MDM2: variants seen among roughly 807,000 people sequenced by gnomAD.
MDM2 encodes E3 ubiquitin-protein ligase Mdm2.
In MDM2, 11 loss-of-function variants were observed where a neutral mutation model predicts 64.3. The observed-to-expected ratio is 0.17, with a 90% CI of 0.11 to 0.28. MDM2 has a LOEUF of 0.28. MDM2 is among the 10% of genes least tolerant of loss of function. MDM2 has a pLI of 1.00. For synonymous variants in MDM2, 194 were observed against 192.9 expected (o/e 1.01, Z -0.05); for missense variants, 388 against 577.1 (o/e 0.67, Z 3.36).
Position 68,844,786 on chromosome 12 carries a change from A to G in MDM2, c.*4937A>G, listed in dbSNP as rs974326849. The G allele has an allele frequency of 3.0e-5, 6 of 201,560 alleles. No individual in the cohort carries two copies. Among genetic ancestry groups the G allele is most frequent in the African/African-American group, 1.4e-4 (6 of 43,468 alleles). 12.5% of individuals were successfully genotyped at this position (201,560 alleles called of 1,614,324 possible). On this transcript the variant is annotated 3_prime_UTR_variant, in exon 11 of 11. Transcript: ENST00000258149. Reference sequence around the variant, plus strand: ...TTATTTTATTTTTATTTATTTTTTGAGACGGAGTCTTGCTCTGTGGCTCAG... The same window carrying G: ...TTATTTTATTTTTATTTATTTTTTGGGACGGAGTCTTGCTCTGTGGCTCAG...
intron 10 of MDM2, among the ~76,000 whole-genome samples, chr12:68,837,853 C>A (rs1009452091): frequency 1.0e-5 from 1 of 99,858 alleles, no homozygotes; most frequent in Non-Finnish European, 2.0e-5. Flanking sequence ...AAATAAATTC[C>A]ATTTTTTCTG....
chr12:68,841,380 C>T lies in MDM2; in HGVS notation c.*1531C>T, dbSNP rs1008506896. On this transcript the variant is annotated 3_prime_UTR_variant, in exon 11 of 11. Coordinates refer to ENST00000258149, the MANE Select transcript of MDM2 (RefSeq NM_002392.6). ...GCAAAGTGCTAAGTAGGATTACAGG[C>T]GTTAGCCACCACACCCGGCTGTAAA... 2.8e-4 allele frequency: 59 copies of T among 208,260 alleles called. No homozygotes were observed. The highest frequency in any genetic ancestry group is 1.3e-3 in the African/African-American group (57 of 44,020). The allele number at this position is 208,260 out of a possible 1,614,324, so 12.9% of individuals were successfully genotyped here. A position where few individuals can be genotyped will look rare whatever the true frequency, so the allele number is the denominator to read the frequency against.
chr12:68,816,731 A>G, intron 3 of MDM2, 81 bp from the exon 4 acceptor site: 1 of 1,224,820 alleles, frequency 8.2e-7, no homozygotes, highest in Non-Finnish European at 1.1e-6. Context: ...ACCCCTATTC[A>G]GATAAATAGG....
rs765425166 is a variant in MDM2, at chr12:68,841,488, T to C, written c.*1639T>C. 7 of 209,566 alleles carry C rather than the reference T, an allele frequency of 3.3e-5. No individual in the cohort carries two copies. Among genetic ancestry groups the C allele is most frequent in the Admixed American group, 5.9e-5 (1 of 16,968 alleles). 13.0% of individuals were successfully genotyped at this position (209,566 alleles called of 1,614,324 possible). The stretch of plus-strand genomic sequence containing the variant: ...ATGTTATCTGTGAAAATAGCCACCA[T>C]TTACCCGTAAGACAAAACTTGTTAA... On this transcript the variant is annotated 3_prime_UTR_variant, in exon 11 of 11. Coordinates refer to ENST00000258149, the MANE Select transcript of MDM2 (RefSeq NM_002392.6).
In MDM2 at chr12:68,823,336, A is replaced by T. The variant is rs578139052; in HGVS notation, c.359-1027A>T. ...TGACTTTTGAGCTCAAAGTCTGTAT[A>T]TCCAACTACAAATGAAACCTATGTG... On this transcript the variant is annotated intron_variant, in intron 5 of 10. Coordinates refer to ENST00000258149, the MANE Select transcript of MDM2 (RefSeq NM_002392.6). 3.3e-5 allele frequency among the ~76,000 whole-genome samples: 5 copies of T among 152,324 alleles called. No homozygotes were observed. The South Asian group carries it at 1.0e-3, about 32-fold the overall frequency.
Position 68,843,513 on chromosome 12 carries a change from T to C in MDM2, c.*3664T>C. On this transcript the variant is annotated 3_prime_UTR_variant, in exon 11 of 11. Transcript: ENST00000258149. ...CTCAAACTGTGGATTAACTTCTTGA[T>C]TTATATTTAAATATGAATCTTAAGC... The C allele has an allele frequency of 4.4e-6, 1 of 225,938 alleles. No homozygotes were observed. Among genetic ancestry groups the C allele is most frequent in the Non-Finnish European group, 8.8e-6 (1 of 113,858 alleles). 14.0% of individuals were successfully genotyped at this position (225,938 alleles called of 1,614,324 possible).
intron 2 of MDM2, among the ~76,000 whole-genome samples, chr12:68,811,675 G>T (rs1258390139): frequency 6.7e-6 from 1 of 149,012 alleles, no homozygotes; most frequent in Non-Finnish European, 1.5e-5. Context: ...CATGATCTCG[G>T]CTCACTGCAA....
rs548781303 is a variant in MDM2, at chr12:68,841,546, C to T, written c.*1697C>T. On this transcript the variant is annotated 3_prime_UTR_variant, in exon 11 of 11. Coordinates refer to ENST00000258149, the MANE Select transcript of MDM2 (RefSeq NM_002392.6). ...TGAGTCTAACCTAGATTACATCAGG[C>T]CCTTTTTCACACACAAAAAAATCCT... 2 of 210,008 alleles carry T rather than the reference C, an allele frequency of 9.5e-6. No homozygotes were observed. Among genetic ancestry groups the T allele is most frequent in the South Asian group, 3.7e-4 (2 of 5,356 alleles). 13.0% of individuals were successfully genotyped at this position (210,008 alleles called of 1,614,324 possible).
rs1883749064 is a variant in MDM2, at chr12:68,841,308, G to C, written c.*1459G>C. The C allele has an allele frequency of 1.9e-5, 4 of 205,508 alleles. No homozygotes were observed. In the East Asian group the frequency reaches 3.0e-4, roughly 15 times the overall value. The allele number at this position is 205,508 out of a possible 1,614,324, so 12.7% of individuals were successfully genotyped here. A position where few individuals can be genotyped will look rare whatever the true frequency, so the allele number is the denominator to read the frequency against. On this transcript the variant is annotated 3_prime_UTR_variant, in exon 11 of 11. Transcript: ENST00000258149. ...GACAGGGTCTCCCTGTGTTGCCCAG[G>C]CTGGTCTCGAACTCCTGGGCTCAAG... is the stretch of plus-strand genomic sequence containing the variant.
At position 68,845,232 on chromosome 12, in the gene MDM2, A is replaced by G. The variant is rs1407281070; in HGVS notation, c.*5383A>G. 1 of 216,874 alleles carries G rather than the reference A, an allele frequency of 4.6e-6. No homozygotes were observed. The highest frequency in any genetic ancestry group is 9.3e-6 in the Non-Finnish European group (1 of 107,996). The allele number at this position is 216,874 out of a possible 1,614,324, so 13.4% of individuals were successfully genotyped here. On this transcript the variant is annotated 3_prime_UTR_variant, in exon 11 of 11. Transcript: ENST00000258149. ...AAAAGAAAAAGTATTTCTTCAGCTT[A>G]AAAAATTGTTTAAAAGTTTGTGATC...
At chr12:68,831,485 G>A (rs976251318) in intron 8 of MDM2, among the ~76,000 whole-genome samples, 4 of 152,138 alleles carry the variant, frequency 2.6e-5, no homozygotes, top group African/African-American at 9.7e-5. Context: ...TTATGTGGGG[G>A]CGGCCATGCT....
rs1477521385 is a variant in MDM2, at chr12:68,842,312, G to A, written c.*2463G>A. On this transcript the variant is annotated 3_prime_UTR_variant, in exon 11 of 11. Coordinates refer to ENST00000258149, the MANE Select transcript of MDM2 (RefSeq NM_002392.6). ...GGCAAAACTCATCTTGACCCCTGTT[G>A]CAGGCAAAGGAACGCAGCTGGAAGA... 2 of 496,218 alleles carry A rather than the reference G, an allele frequency of 4.0e-6. No homozygotes were observed. The allele number at this position is 496,218 out of a possible 1,614,324, so 30.7% of individuals were successfully genotyped here. A position where few individuals can be genotyped will look rare whatever the true frequency, so the allele number is the denominator to read the frequency against.
rs914588256 is a variant in MDM2 at position 68,812,997 on chromosome 12, A to G, written c.100-557A>G. 3.3e-5 allele frequency among the ~76,000 whole-genome samples: 5 copies of G among 152,284 alleles called. No homozygotes were observed. In the South Asian group the frequency reaches 6.2e-4, roughly 19 times the overall value. On this transcript the variant is annotated intron_variant, in intron 2 of 10. Coordinates refer to ENST00000258149, the MANE Select transcript of MDM2 (RefSeq NM_002392.6). ...CTGTCCAGTGCATAGTAGAAGCTCA[A>G]TAAATGTTTGTCAAGTAGATATTTG... is the stretch of plus-strand genomic sequence containing the variant.
intron 10 of MDM2, 95 bp downstream of exon 10, chr12:68,836,844 T>C: frequency 1.3e-6 from 1 of 775,858 alleles, no homozygotes; most frequent in Non-Finnish European, 2.1e-6. Flanking sequence ...AACTGATTTT[T>C]ATAAAGTTAA....
Position 68,841,424 on chromosome 12 carries a change from C to T in MDM2, c.*1575C>T, listed in dbSNP as rs762080776. 1.5e-5 allele frequency: 3 copies of T among 206,372 alleles called. No individual in the cohort carries two copies. Among genetic ancestry groups the T allele is most frequent in the Non-Finnish European group, 3.0e-5 (3 of 100,988 alleles). 12.8% of individuals were successfully genotyped at this position (206,372 alleles called of 1,614,324 possible). On this transcript the variant is annotated 3_prime_UTR_variant, in exon 11 of 11. Transcript: ENST00000258149. The stretch of plus-strand genomic sequence containing the variant: ...CTGTAAAAATGTACTTATTCTCCAG[C>T]CTCTTTTGTATAAACCATAGTAAGG...
At chr12:68,811,333 T>TC (rs1395080237) in intron 2 of MDM2, among the ~76,000 whole-genome samples, 1 of 152,188 alleles carries the variant, frequency 6.6e-6, no homozygotes, top group African/African-American at 2.4e-5. Context: ...TGTTGTCTTT[T>TC]CCCCATTGAG....
intron 10 of MDM2, 142 bp from the exon 11 acceptor site, chr12:68,839,132 G>A (rs1032215928): frequency 1.3e-5 from 9 of 702,992 alleles, no homozygotes; most frequent in African/African-American, 1.8e-5. Context: ...TGTTTACAGT[G>A]ACTATTTTAT....
chr12:68,849,722 C>G (rs1172716461), downstream of MDM2: 2 of 152,080 alleles, frequency 1.3e-5, no homozygotes, highest in Non-Finnish European at 2.9e-5. Context: ...TCGTGATCTG[C>G]CTGCCTCGGC....
In MDM2 at chr12:68,843,327, A is replaced by G. The variant is rs1565752431; in HGVS notation, c.*3478A>G. On this transcript the variant is annotated 3_prime_UTR_variant, in exon 11 of 11. Transcript: ENST00000258149. ...GAGAGAGAGAGAGAGTAGGGTGACTATAGTTAATGTATTGAATGTTCTTGC... is the reference window on the plus strand; with the variant it reads ...GAGAGAGAGAGAGAGTAGGGTGACTGTAGTTAATGTATTGAATGTTCTTGC... The G allele has an allele frequency of 4.3e-6, 1 of 230,178 alleles. No homozygotes were observed. Among genetic ancestry groups the G allele is most frequent in the Admixed American group, 5.7e-5 (1 of 17,696 alleles). The allele number at this position is 230,178 out of a possible 1,614,324, so 14.3% of individuals were successfully genotyped here.
Sources: allele counts gnomAD v4.1 joint callset (sites outside exome capture counted in the v4.1 genomes callset), GRCh38; gene constraint gnomAD v4.1.1; transcripts MANE v1.5; gene names NCBI Gene and HGNC (gene_info 2026-07-23, HGNC 2026-07-21).